Variants in ATP1A2 observed in about 807,000 individuals in gnomAD.
ATP1A2 encodes ATPase Na+/K+ transporting subunit alpha 2.
A neutral mutation model predicts 113.1 loss-of-function variants in ATP1A2; 56 were observed. That is an observed-to-expected ratio of 0.49 (90% CI 0.40 to 0.62). The LOEUF is 0.62. Among genes scored for constraint, ATP1A2 ranks in the 20% least tolerant of loss-of-function variants. The pLI is 0.00. For missense variants in ATP1A2, 712 were observed against 1,357.8 expected, an observed-to-expected ratio of 0.52 and a Z score of 7.47; for synonymous variants, 490 against 526.8, an observed-to-expected ratio of 0.93 and a Z score of 0.96.
chr1:160,138,928 T>G (rs971287986), intron 20 of ATP1A2, among the ~76,000 whole-genome samples: 13 of 152,144 alleles, frequency 8.5e-5, no homozygotes, highest in African/African-American at 3.1e-4. Context: ...ACGTGTTATC[T>G]CCCTTAATTT....
chr1:160,119,586 C>G (rs1003973438), intron 1 of ATP1A2, among the ~76,000 whole-genome samples: 1 of 152,092 alleles, frequency 6.6e-6, no homozygotes, highest in Non-Finnish European at 1.5e-5. Context: ...CCCAAGAGGG[C>G]CTCCTCTTAG....
intron 13 of ATP1A2, among the ~76,000 whole-genome samples, chr1:160,131,143 C>A (rs1026947521): frequency 1.3e-5 from 2 of 152,182 alleles, no homozygotes; most frequent in East Asian, 3.9e-4. Flanking sequence ...GTGCAAGGTG[C>A]AAACTCTAGC....
At chr1:160,120,518 C>T (rs1370047884) in intron 1 of ATP1A2, among the ~76,000 whole-genome samples, 1 of 152,202 alleles carries the variant, frequency 6.6e-6, no homozygotes. Flanking sequence ...CAACCCCCCA[C>T]AAAACCCTGT....
At chr1:160,123,534 C>T in intron 4 of ATP1A2, 118 bp downstream of exon 4, 1 of 1,313,846 alleles carries the variant, frequency 7.6e-7, no homozygotes, top group Non-Finnish European at 1.1e-6. Context: ...ACAGATGCCC[C>T]TGCATCTTAG....
At chr1:160,134,447 A>C (rs1471240629) in intron 13 of ATP1A2, 37 bp from the exon 14 acceptor site, 2 of 1,613,800 alleles carry the variant, frequency 1.2e-6, no homozygotes, top group Non-Finnish European at 1.7e-6. Context: ...TAAACCCTTA[A>C]TACTACTTTC....
Position 160,130,414 on chromosome 1 carries a change from C to T in ATP1A2, c.1652-8C>T, listed in dbSNP as rs370023134. The T allele has an allele frequency of 3.2e-5, 52 of 1,614,194 alleles. No homozygotes were observed. In the African/African-American group the frequency reaches 6.1e-4, roughly 19 times the overall value. On this transcript the variant is annotated splice_polypyrimidine_tract_variant and splice_region_variant and intron_variant, in intron 12 of 22. Transcript: ENST00000361216. ...CGGATCTCACTGATCCCTTCTGCCCCCCTTTAGGATTCTGTCAACTGAATC... is the reference window on the plus strand; with the variant it reads ...CGGATCTCACTGATCCCTTCTGCCCTCCTTTAGGATTCTGTCAACTGAATC...
chr1:160,126,662 G>A (rs1472099648), intron 7 of ATP1A2, among the ~76,000 whole-genome samples: 1 of 151,614 alleles, frequency 6.6e-6, no homozygotes, highest in East Asian at 1.9e-4. Context: ...TTAGAGATGG[G>A]GTCTCACTAT....
chr1:160,124,593 A>T (rs553314594), intron 6 of ATP1A2, among the ~76,000 whole-genome samples, 163 bp downstream of exon 6: 7 of 152,252 alleles, frequency 4.6e-5, no homozygotes, highest in African/African-American at 1.4e-4. Flanking sequence ...GTGCTTGTGC[A>T]GTGCCTCCTT....
In ATP1A2 at chr1:160,143,561, A is replaced by G. The variant is rs922539208; in HGVS notation, c.*2239A>G. 1 of 152,632 alleles carries G rather than the reference A, an allele frequency of 6.6e-6. No individual in the cohort carries two copies. The highest frequency in any genetic ancestry group is 1.5e-5 in the Non-Finnish European group (1 of 68,052). 9.5% of individuals were successfully genotyped at this position (152,632 alleles called of 1,614,324 possible). A position where few individuals can be genotyped will look rare whatever the true frequency, so the allele number is the denominator to read the frequency against. ...AGGTACTACCTATGTACTTGAAAATAATAAAGTGGCATTTCTTTATGAAAA... is the reference window on the plus strand; with the variant it reads ...AGGTACTACCTATGTACTTGAAAATGATAAAGTGGCATTTCTTTATGAAAA... On this transcript the variant is annotated 3_prime_UTR_variant, in exon 23 of 23. Coordinates refer to ENST00000361216, the MANE Select transcript of ATP1A2 (RefSeq NM_000702.4).
intron 20 of ATP1A2, 41 bp downstream of exon 20, chr1:160,137,072 G>C: frequency 1.2e-6 from 2 of 1,613,426 alleles, no homozygotes; most frequent in Non-Finnish European, 1.7e-6. Context: ...CCCAGGCTCT[G>C]GGCACACTCA....
chr1:160,140,630 T>C (rs1273416775), intron 22 of ATP1A2: 1 of 168,266 alleles, frequency 5.9e-6, no homozygotes, highest in Non-Finnish European at 1.3e-5. Flanking sequence ...TAATCCCATG[T>C]CCACATCTCT....
intron 13 of ATP1A2, among the ~76,000 whole-genome samples, chr1:160,134,018 C>T (rs769298157): frequency 6.6e-6 from 1 of 151,658 alleles, no homozygotes; most frequent in Non-Finnish European, 1.5e-5. Flanking sequence ...CACACAAATC[C>T]CCACCTCACA....
chr1:160,142,274 C>T lies in ATP1A2; in HGVS notation c.*952C>T, dbSNP rs1652176329. On this transcript the variant is annotated 3_prime_UTR_variant, in exon 23 of 23. Transcript: ENST00000361216. Reference sequence around the variant, plus strand: ...CTCCATGCTGTTCTGAAAGGGATGGCCACAAGTTCTTTCCCAGCCTCTTCC... The same window carrying T: ...CTCCATGCTGTTCTGAAAGGGATGGTCACAAGTTCTTTCCCAGCCTCTTCC... The T allele has an allele frequency of 1.3e-5, 2 of 152,262 alleles. No individual in the cohort carries two copies. The highest frequency in any genetic ancestry group is 1.3e-4 in the Admixed American group (2 of 15,280). 9.4% of individuals were successfully genotyped at this position (152,262 alleles called of 1,614,324 possible).
At chr1:160,115,960 G>C in intron 1 of ATP1A2, 87 bp downstream of exon 1, 1 of 1,542,442 alleles carries the variant, frequency 6.5e-7, no homozygotes, top group Non-Finnish European at 8.8e-7. Context: ...GATGTGGAAG[G>C]AGCGGGAGAG....
intron 3 of ATP1A2, among the ~76,000 whole-genome samples, chr1:160,122,536 A>G (rs941019958): frequency 6.6e-6 from 1 of 152,204 alleles, no homozygotes; most frequent in African/African-American, 2.4e-5. Context: ...AGAATCAAGT[A>G]TAGAACACCA....
chr1:160,138,952 A>G (rs572319144), intron 20 of ATP1A2, among the ~76,000 whole-genome samples: 1 of 152,314 alleles, frequency 6.6e-6, no homozygotes, highest in East Asian at 1.9e-4. Context: ...CAGCAACCCT[A>G]TGATAAAAAG....
chr1:160,123,556 G>A lies in ATP1A2; in HGVS notation c.381+140G>A, dbSNP rs1651489333. ...CCCCTGCATCTTAGGCTGGAAAGGG[G>A]AGAGGCTTCTATATATATCTGTAAA... is the stretch of plus-strand genomic sequence containing the variant. On this transcript the variant is annotated intron_variant, in intron 4 of 22. Coordinates refer to ENST00000361216, the MANE Select transcript of ATP1A2 (RefSeq NM_000702.4). The A allele has an allele frequency of 2.6e-5, 28 of 1,086,130 alleles. No homozygotes were observed. The South Asian group carries it at 3.7e-4, about 14-fold the overall frequency. 67.3% of individuals were successfully genotyped at this position (1,086,130 alleles called of 1,614,324 possible).
In ATP1A2 at chr1:160,135,271, C is replaced by A; in HGVS notation, c.2091C>A (p.Ile697=). The part of the protein sequence containing the change: ...FARTSPQQKL[I]IVEGCQRQGA... ...GAACGTCTCCCCAGCAGAAGCTCAT[C>A]ATTGTGGAGGGATGTCAGAGGCAGG... Residue 697 remains isoleucine, a synonymous_variant, in exon 15 of 23, where the codon ATC becomes ATA. Transcript: ENST00000361216. This position sits in a 1 kb window ranked among gnomAD's most constrained non-coding sequence, Gnocchi z 6.3. 6.2e-7 allele frequency: 1 copy of A among 1,614,140 alleles called. No homozygotes were observed. Among genetic ancestry groups the A allele is most frequent in the Non-Finnish European group, 8.5e-7 (1 of 1,180,034 alleles).
rs1270838692 is a variant in ATP1A2, at chr1:160,115,760, T to C, written c.-102T>C. 6.8e-7 allele frequency: 1 copy of C among 1,465,160 alleles called. No individual in the cohort carries two copies. The highest frequency in any genetic ancestry group is 9.4e-7 in the Non-Finnish European group (1 of 1,068,782). The allele number at this position is 1,465,160 out of a possible 1,614,324, so 90.8% of individuals were successfully genotyped here. Reference sequence around the variant, plus strand: ...AAGCTACCCTGTTGCTTTGGCTTTCTCTGTCTGCCAGGGTCTCCGACTGTC... The same window carrying C: ...AAGCTACCCTGTTGCTTTGGCTTTCCCTGTCTGCCAGGGTCTCCGACTGTC... On this transcript the variant is annotated 5_prime_UTR_variant, in exon 1 of 23. Coordinates refer to ENST00000361216, the MANE Select transcript of ATP1A2 (RefSeq NM_000702.4).
Sources: allele counts gnomAD v4.1 joint callset (sites outside exome capture counted in the v4.1 genomes callset), GRCh38; gene constraint gnomAD v4.1.1; non-coding constraint Gnocchi (gnomAD v3.1); transcripts MANE v1.5; gene names NCBI Gene and HGNC (gene_info 2026-07-23, HGNC 2026-07-21).